VWA8: variants seen among roughly 807,000 people sequenced by gnomAD.
The protein encoded by VWA8 is von Willebrand factor A domain containing 8, also known as von Willebrand factor A domain-containing protein 8.
In VWA8, 221 loss-of-function variants were observed where a neutral mutation model predicts 241.5. That is an observed-to-expected ratio of 0.91 (90% CI 0.82 to 1.02). The LOEUF is 1.02. Among genes scored for constraint, VWA8 ranks in the 50% least tolerant of loss-of-function variants. The pLI is 0.00. For missense variants in VWA8, 2,322 were observed against 2,328.7 expected (o/e 1.00, Z 0.06); for synonymous variants, 852 against 827.1 (o/e 1.03, Z -0.52).
intron 9 of VWA8, among the ~76,000 whole-genome samples, chr13:41,880,372 A>T (rs528553264): frequency 6.6e-6 from 1 of 152,094 alleles, no homozygotes; most frequent in East Asian, 1.9e-4. Context: ...CTATACCCCT[A>T]AACACTCCAG....
chr13:41,778,037 T>A lies in VWA8; in HGVS notation c.2297A>T (p.Asp766Val). 6.2e-7 allele frequency: 1 copy of A among 1,612,386 alleles called. No homozygotes were observed. The highest frequency in any genetic ancestry group is 1.1e-5 in the South Asian group (1 of 90,788). Reference protein sequence around the residue: ...DNIQHVIVMEDMLKDFLLGEH... With the variant: ...DNIQHVIVMEVMLKDFLLGEH... ...TCCAAGGAGAAAGTCTTTCAGCATA[T>A]CTTCCATCACTATCACATGCTAGAG... The change falls in exon 20 of 45, where the codon GAT (aspartate) becomes GTT (valine). Residue 766 changes from aspartate (D) to valine (V), a missense_variant. Asp to Val is a radical substitution (Grantham distance 152). Coordinates refer to ENST00000379310, the MANE Select transcript of VWA8 (RefSeq NM_015058.2).
intron 9 of VWA8, among the ~76,000 whole-genome samples, chr13:41,882,544 G>A (rs987813908): frequency 6.6e-6 from 1 of 152,260 alleles, no homozygotes; most frequent in African/African-American, 2.4e-5. Flanking sequence ...GACTCCGTCT[G>A]CAATCCCAGC....
chr13:41,958,083 G>A (rs1391003561), intron 1 of VWA8, among the ~76,000 whole-genome samples: 4 of 152,172 alleles, frequency 2.6e-5, no homozygotes, highest in Non-Finnish European at 5.9e-5. Context: ...AGTATAAAGA[G>A]ATATAAAGAA....
At position 41,657,731 on chromosome 13, in the gene VWA8, T is replaced by C. The variant is rs1442667892; in HGVS notation, c.4611+13215A>G. Reference sequence around the variant, plus strand: ...GTCTCGATCTCCTGACCTCATGATCTACCCGCCTCGGCCTCCCAAAGTGCT... The same window carrying C: ...GTCTCGATCTCCTGACCTCATGATCCACCCGCCTCGGCCTCCCAAAGTGCT... On this transcript the variant is annotated intron_variant, in intron 37 of 44. Coordinates refer to ENST00000379310, the MANE Select transcript of VWA8 (RefSeq NM_015058.2). Among the ~76,000 whole-genome samples the C allele has an allele frequency of 3.3e-5, 5 of 151,400 alleles. No homozygotes were observed. The South Asian group carries it at 6.3e-4, about 19-fold the overall frequency.
chr13:41,607,923 C>T (rs1417966293), intron 39 of VWA8, among the ~76,000 whole-genome samples: 1 of 151,900 alleles, frequency 6.6e-6, no homozygotes, highest in Non-Finnish European at 1.5e-5. Flanking sequence ...GTCTCAAAAG[C>T]CTAACCACAA....
At chr13:41,860,045 G>A (rs1006025421) in intron 12 of VWA8, among the ~76,000 whole-genome samples, 1 of 152,096 alleles carries the variant, frequency 6.6e-6, no homozygotes, top group Non-Finnish European at 1.5e-5. Context: ...TCCCACAGAG[G>A]AGTCTTATAT....
At chr13:41,624,837 T>C (rs887677754) in intron 37 of VWA8, among the ~76,000 whole-genome samples, 1 of 152,084 alleles carries the variant, frequency 6.6e-6, no homozygotes, top group Non-Finnish European at 1.5e-5. Context: ...TCAGACAAGA[T>C]GAAGAAGTAA....
intron 2 of VWA8, among the ~76,000 whole-genome samples, chr13:41,930,507 G>C (rs977497007): frequency 2.6e-5 from 4 of 152,174 alleles, no homozygotes; most frequent in African/African-American, 9.7e-5. Context: ...GATACAGGTT[G>C]AGCAGCTCTA....
At chr13:41,807,164 C>T (rs1167938000) in intron 17 of VWA8, among the ~76,000 whole-genome samples, 1 of 152,018 alleles carries the variant, frequency 6.6e-6, no homozygotes, top group Non-Finnish European at 1.5e-5. Context: ...TGTGAACAAA[C>T]CAATAACAAG....
chr13:41,831,225 C>T (rs948712599), intron 13 of VWA8, among the ~76,000 whole-genome samples: 11 of 152,112 alleles, frequency 7.2e-5, no homozygotes, highest in South Asian at 2.1e-4. Flanking sequence ...TCTCCTAATG[C>T]CCACAATAGA....
intron 39 of VWA8, 74 bp downstream of exon 39, chr13:41,611,502 T>G (rs1023857979): frequency 1.2e-5 from 19 of 1,524,102 alleles, no homozygotes; most frequent in Non-Finnish European, 1.7e-5. Flanking sequence ...CACACAAATC[T>G]AGGTTTCCCC....
At chr13:41,750,529 G>A (rs1215290779) in intron 21 of VWA8, among the ~76,000 whole-genome samples, 1 of 151,730 alleles carries the variant, frequency 6.6e-6, no homozygotes, top group Non-Finnish European at 1.5e-5. Flanking sequence ...TTGATTCACA[G>A]GAGGCCAAAT....
rs188395666 is a variant in VWA8 at position 41,650,919 on chromosome 13, G to A, written c.4611+20027C>T. On this transcript the variant is annotated intron_variant, in intron 37 of 44. Transcript: ENST00000379310. Reference sequence around the variant, plus strand: ...GGGCATTCCAGGCAGGGGCCAATGTGAGTGAAGGTGTGGGGTCTGATAAGG... The same window carrying A: ...GGGCATTCCAGGCAGGGGCCAATGTAAGTGAAGGTGTGGGGTCTGATAAGG... Among the ~76,000 whole-genome samples, 9 of 152,340 alleles carry A rather than the reference G, an allele frequency of 5.9e-5. No homozygotes were observed. The East Asian group carries it at 1.4e-3, about 23-fold the overall frequency.
At chr13:41,752,218 C>T (rs564276532) in intron 21 of VWA8, among the ~76,000 whole-genome samples, 23 of 152,234 alleles carry the variant, frequency 1.5e-4, no homozygotes, top group South Asian at 6.2e-4. Flanking sequence ...TTTTCAATAA[C>T]CATAATGCTG....
chr13:41,953,644 A>G (rs935799211), intron 1 of VWA8, among the ~76,000 whole-genome samples: 2 of 152,154 alleles, frequency 1.3e-5, no homozygotes, highest in African/African-American at 2.4e-5. Flanking sequence ...CATCTCTACT[A>G]AAAATACAAA....
chr13:41,818,678 C>T (rs1870810608), intron 15 of VWA8, among the ~76,000 whole-genome samples: 1 of 152,166 alleles, frequency 6.6e-6, no homozygotes, highest in Admixed American at 6.5e-5. Flanking sequence ...CACATTAAAA[C>T]AATGGATCAC....
At chr13:41,873,669 AGCTGAAATTGTG>A (rs1417724841) in intron 9 of VWA8, among the ~76,000 whole-genome samples, 7 of 152,144 alleles carry the variant, frequency 4.6e-5, no homozygotes, top group African/African-American at 1.7e-4. Flanking sequence ...CAATAACAGG[AGCTGAAATTGTG>A]GCAATAACCA....
chr13:41,603,945 T>G (rs1476493811), intron 40 of VWA8, among the ~76,000 whole-genome samples: 1 of 152,176 alleles, frequency 6.6e-6, no homozygotes, highest in African/African-American at 2.4e-5. Context: ...GGAAATTTAG[T>G]TGACTTTGAG....
At chr13:41,908,476 GAA>G (rs201273016) in intron 3 of VWA8, among the ~76,000 whole-genome samples, 1 of 150,810 alleles carries the variant, frequency 6.6e-6, no homozygotes, top group African/African-American at 2.4e-5. Context: ...CATCTCAAGG[GAA>G]AAAAAACAAA....
Sources: gnomAD v4.1 joint callset for allele counts (sites outside exome capture counted in the v4.1 genomes callset) on GRCh38, gnomAD v4.1.1 for gene constraint, MANE v1.5 for transcripts, NCBI Gene and HGNC (gene_info 2026-07-23, HGNC 2026-07-21) for gene names.